KCNMA1: variants seen among roughly 807,000 people sequenced by gnomAD.
The protein encoded by KCNMA1 is potassium calcium-activated channel subfamily M alpha 1.
A neutral mutation model predicts 140.0 loss-of-function variants in KCNMA1; 29 were observed. That is an observed-to-expected ratio of 0.21 (90% CI 0.15 to 0.28). The LOEUF (loss-of-function observed/expected upper bound fraction) is 0.28, where lower values mean the gene tolerates loss of function less well. Ranked by LOEUF, KCNMA1 falls within the 10% of genes least tolerant of loss-of-function variation. The probability of loss-of-function intolerance (pLI) is 1.00; values close to 1 mark genes in which losing one functional copy is unlikely to be tolerated. For missense variants in KCNMA1, 880 were observed against 1,602.2 expected, an observed-to-expected ratio of 0.55 and a Z score of 7.70; for synonymous variants, 612 against 611.9, an observed-to-expected ratio of 1.00 and a Z score of 0.00.
chr10:76,938,293 A>T (rs2061091481), intron 23 of KCNMA1, among the ~76,000 whole-genome samples: 1 of 152,154 alleles, frequency 6.6e-6, no homozygotes, highest in South Asian at 2.1e-4. Context: ...ATAAACCATG[A>T]CTAAAACCCA....
chr10:77,418,419 C>T (rs1218382379), intron 1 of KCNMA1, among the ~76,000 whole-genome samples: 2 of 152,112 alleles, frequency 1.3e-5, no homozygotes, highest in African/African-American at 2.4e-5. Flanking sequence ...TTCCTTCTAC[C>T]CCAGCTTGTC....
intron 1 of KCNMA1, among the ~76,000 whole-genome samples, chr10:77,505,313 A>T (rs1182732908): frequency 6.6e-6 from 1 of 152,262 alleles, no homozygotes; most frequent in Non-Finnish European, 1.5e-5. Flanking sequence ...CTCTTCATTT[A>T]TTCATCCAAC....
At chr10:77,165,885 G>A (rs577492949) in intron 5 of KCNMA1, among the ~76,000 whole-genome samples, 6 of 152,296 alleles carry the variant, frequency 3.9e-5, no homozygotes, top group Admixed American at 3.3e-4. Context: ...TTCTGAGGGC[G>A]ACAGCCACTA....
At chr10:76,930,521 G>A (rs1171362892) in intron 23 of KCNMA1, among the ~76,000 whole-genome samples, 1 of 152,142 alleles carries the variant, frequency 6.6e-6, no homozygotes, top group Non-Finnish European at 1.5e-5. Context: ...TACACTGCTG[G>A]TGGGAATGTA....
chr10:77,144,767 T>C (rs542708358), intron 5 of KCNMA1, among the ~76,000 whole-genome samples: 1 of 152,234 alleles, frequency 6.6e-6, no homozygotes, highest in African/African-American at 2.4e-5. Context: ...GTGGGCAGTA[T>C]GGCATGAAAC....
intron 2 of KCNMA1, among the ~76,000 whole-genome samples, chr10:77,274,892 G>C (rs1238227783): frequency 6.6e-6 from 1 of 152,224 alleles, no homozygotes; most frequent in African/African-American, 2.4e-5. Context: ...TTTGTGGGGA[G>C]AGAAACTGAG....
chr10:77,616,464 C>T (rs890750091), intron 1 of KCNMA1, among the ~76,000 whole-genome samples: 3 of 152,186 alleles, frequency 2.0e-5, no homozygotes, highest in Non-Finnish European at 2.9e-5. Flanking sequence ...TCCCAACAAC[C>T]CCAGGCAGCA....
chr10:77,406,960 GC>G (rs1461764045), intron 1 of KCNMA1, among the ~76,000 whole-genome samples: 2 of 152,276 alleles, frequency 1.3e-5, no homozygotes, highest in East Asian at 1.9e-4. Flanking sequence ...AGGCAGGGGG[GC>G]CCTCCAGTCA....
chr10:77,134,476 AATAAAAAAAATGTGCAC>A (rs1228051380), intron 5 of KCNMA1, among the ~76,000 whole-genome samples: 1 of 152,132 alleles, frequency 6.6e-6, no homozygotes, highest in Non-Finnish European at 1.5e-5. Context: ...ACTTGGTTCA[AATAAAAAAAATGTGCAC>A]CATATACAAA....
chr10:77,561,655 T>C (rs1444438263), intron 1 of KCNMA1, among the ~76,000 whole-genome samples: 1 of 152,024 alleles, frequency 6.6e-6, no homozygotes, highest in Non-Finnish European at 1.5e-5. Context: ...CATTTAACAA[T>C]GGGTAAGGCA....
At chr10:76,970,329 GAAAAAAAA>G (rs10563488) in intron 19 of KCNMA1, 15 of 187,032 alleles carry the variant, frequency 8.0e-5, no homozygotes, top group Admixed American at 7.9e-4. Context: ...CCTGCCATAA[GAAAAAAAA>G]AAAAAAAAAA....
At chr10:77,348,272 T>C (rs566590093) in intron 2 of KCNMA1, among the ~76,000 whole-genome samples, 5 of 152,290 alleles carry the variant, frequency 3.3e-5, no homozygotes, top group Admixed American at 6.5e-5. Context: ...ATGTACCAAG[T>C]CTGAGTCATT....
intron 21 of KCNMA1, among the ~76,000 whole-genome samples, chr10:76,951,105 T>C (rs1438653389): frequency 2.0e-5 from 3 of 152,110 alleles, no homozygotes; most frequent in Non-Finnish European, 4.4e-5. Context: ...GAATATAAAC[T>C]GGGCCCAGGG....
At chr10:77,517,062 C>T (rs1324773519) in intron 1 of KCNMA1, among the ~76,000 whole-genome samples, 3 of 151,248 alleles carry the variant, frequency 2.0e-5, no homozygotes, top group African/African-American at 4.9e-5. Context: ...TGTGAACATG[C>T]GTGTGTGAAT....
intron 5 of KCNMA1, among the ~76,000 whole-genome samples, chr10:77,139,223 T>C (rs2098117267): frequency 6.6e-6 from 1 of 152,216 alleles, no homozygotes; most frequent in Non-Finnish European, 1.5e-5. Context: ...TCTCAGGAAG[T>C]AGTGTATGTG....
intron 1 of KCNMA1, among the ~76,000 whole-genome samples, chr10:77,447,624 C>T (rs1365543172): frequency 6.6e-6 from 1 of 152,184 alleles, no homozygotes. Flanking sequence ...CTTCCTCTGG[C>T]TCCCTAGGAA....
intron 17 of KCNMA1, among the ~76,000 whole-genome samples, chr10:77,017,117 T>G (rs1392789435): frequency 6.6e-6 from 1 of 152,234 alleles, no homozygotes; most frequent in African/African-American, 2.4e-5. Context: ...TGAGACATAT[T>G]GCACTCCCTA....
intron 1 of KCNMA1, among the ~76,000 whole-genome samples, chr10:77,492,919 T>C (rs1436839792): frequency 1.3e-5 from 2 of 152,216 alleles, no homozygotes; most frequent in African/African-American, 4.8e-5. Context: ...TTAATGCTCA[T>C]AATACCTTGT....
Position 76,886,793 on chromosome 10 carries a change from A to G in KCNMA1, c.*473T>C. The G allele has an allele frequency of 9.7e-7, 1 of 1,031,310 alleles. No individual in the cohort carries two copies. The highest frequency in any genetic ancestry group is 4.9e-4 in the Middle Eastern group (1 of 2,038). The allele number at this position is 1,031,310 out of a possible 1,614,324, so 63.9% of individuals were successfully genotyped here. The stretch of plus-strand genomic sequence containing the variant: ...ATTGCTGTTTGGTTGCTTGTTTCAA[A>G]TAAACATGTGCTAACTTATTGTGTG... On this transcript the variant is annotated 3_prime_UTR_variant, in exon 28 of 28. Transcript: ENST00000286628.
Sources: gnomAD v4.1 joint callset for allele counts (sites outside exome capture counted in the v4.1 genomes callset) on GRCh38, gnomAD v4.1.1 for gene constraint, MANE v1.5 for transcripts, NCBI Gene and HGNC (gene_info 2026-07-23, HGNC 2026-07-21) for gene names.